The following ZNF185 variants were observed in gnomAD, a reference collection of about 807,000 sequenced individuals.
ZNF185 encodes zinc finger protein 185 with LIM domain.
A neutral mutation model predicts 58.6 loss-of-function variants in ZNF185; 56 were observed. The ratio of observed to expected loss-of-function variants is 0.95; its 90% CI spans 0.77 to 1.19. ZNF185 has a LOEUF of 1.19. Ranked by LOEUF, ZNF185 falls within the 50% of genes most tolerant of loss-of-function variation. ZNF185 has a pLI of 0.00. For synonymous variants in ZNF185, 230 were observed against 215.9 expected (o/e 1.07, Z -0.57); for missense variants, 627 against 573.5 (o/e 1.09, Z -0.95).
At chrX:152,930,842 G>A (rs1392919872) in intron 12 of ZNF185, among the ~76,000 whole-genome samples, 1 of 111,358 alleles carries the variant, frequency 9.0e-6, no homozygotes, top group Non-Finnish European at 1.9e-5. Context: ...AAATAATGAT[G>A]GGACTGTCTC....
chrX:152,963,958 G>T lies in ZNF185; in HGVS notation c.1718+9G>T. 1.7e-6 allele frequency: 2 copies of T among 1,199,590 alleles called. No homozygotes were observed. The highest frequency in any genetic ancestry group is 2.3e-6 in the Non-Finnish European group (2 of 884,534). ...GACTCCAGCTCTACCACGTAAGAAG[G>T]GCTATCTAGCAACCTGGGAGATGTT... On this transcript the variant is annotated intron_variant, in intron 18 of 22. Transcript: ENST00000449285.
chrX:152,905,538 C>A, the ZNF185 span, among the ~76,000 whole-genome samples: 2 of 111,850 alleles, frequency 1.8e-5, no homozygotes, highest in African/African-American at 6.5e-5. Context: ...GACATGGGGA[C>A]TTTTCTTTGA....
intron 16 of ZNF185, among the ~76,000 whole-genome samples, chrX:152,956,536 C>A (rs2035178896): frequency 9.0e-6 from 1 of 111,580 alleles, no homozygotes; most frequent in Non-Finnish European, 1.9e-5. Flanking sequence ...GTCAGGAGTT[C>A]AAGAGCAGCC....
At chrX:152,949,491 T>G (rs1394990768) in intron 16 of ZNF185, among the ~76,000 whole-genome samples, 1 of 112,426 alleles carries the variant, frequency 8.9e-6, no homozygotes, top group Non-Finnish European at 1.9e-5. Context: ...GGCATCTCAG[T>G]AGGCTAGGTT....
At chrX:152,914,789 C>A in exon 2 of ZNF185, 2 of 1,188,552 alleles carry the variant, frequency 1.7e-6, no homozygotes, top group Non-Finnish European at 2.3e-6. Context: ...TGAAGGGGGA[C>A]AAGAGCTGGA....
chrX:152,911,242 G>A (rs956809155), upstream of ZNF185, among the ~76,000 whole-genome samples: 5 of 111,898 alleles, frequency 4.5e-5, no homozygotes, highest in Admixed American at 3.8e-4. Flanking sequence ...CAGGTGGGCG[G>A]ACCAGTATAA....
chrX:152,900,563 A>G, the ZNF185 span, among the ~76,000 whole-genome samples: 1 of 112,715 alleles, frequency 8.9e-6, no homozygotes, highest in African/African-American at 3.2e-5. Context: ...TTGGGCTCTC[A>G]TGTTTAGGGT....
intron 20 of ZNF185, among the ~76,000 whole-genome samples, chrX:152,968,309 G>C (rs991787456): frequency 8.9e-6 from 1 of 112,373 alleles, no homozygotes; most frequent in African/African-American, 3.2e-5. Context: ...AATTCTAGTG[G>C]AGTGACAAAC....
chrX:152,901,650 A>C, the ZNF185 span, among the ~76,000 whole-genome samples: 1 of 111,282 alleles, frequency 9.0e-6, no homozygotes, highest in East Asian at 2.8e-4. Flanking sequence ...AGGCACAGAG[A>C]GGGACTTGCT....
chrX:152,972,614 C>T (rs781929909), exon 23 of ZNF185: 2 of 111,941 alleles, frequency 1.8e-5, no homozygotes, highest in South Asian at 3.8e-4. Context: ...AGGGGGCTAG[C>T]TGATCTGAGC....
At chrX:152,949,530 A>G (rs1192131955) in intron 16 of ZNF185, among the ~76,000 whole-genome samples, 1 of 111,874 alleles carries the variant, frequency 8.9e-6, no homozygotes, top group Non-Finnish European at 1.9e-5. Flanking sequence ...ATGTCATGGC[A>G]CCTGATGGGC....
intron 15 of ZNF185, among the ~76,000 whole-genome samples, chrX:152,939,278 G>C (rs74517843): frequency 1.8e-5 from 2 of 111,664 alleles, no homozygotes; most frequent in Non-Finnish European, 3.8e-5. Context: ...TTTCTCATTC[G>C]AATTGCACTG....
intron 15 of ZNF185, among the ~76,000 whole-genome samples, chrX:152,939,786 T>G (rs11796530): frequency 2.1e-5 from 2 of 96,116 alleles, no homozygotes; most frequent in Non-Finnish European, 4.2e-5. Context: ...GTTTTTTTTT[T>G]TTTTTTTTTT....
chrX:152,899,269 C>T, the ZNF185 span, among the ~76,000 whole-genome samples: 7 of 112,383 alleles, frequency 6.2e-5, no homozygotes, highest in South Asian at 3.7e-4. Context: ...TGGCTGGGGG[C>T]GGGAGGCAGG....
intron 19 of ZNF185, among the ~76,000 whole-genome samples, chrX:152,966,876 C>G (rs2050164431): frequency 9.0e-6 from 1 of 110,791 alleles, no homozygotes; most frequent in South Asian, 3.9e-4. Flanking sequence ...TGGTGACTGT[C>G]ACATTATATC....
chrX:152,962,839 G>A (rs1466207536), intron 17 of ZNF185, among the ~76,000 whole-genome samples: 1 of 112,709 alleles, frequency 8.9e-6, no homozygotes, highest in Non-Finnish European at 1.9e-5. Flanking sequence ...ACTATGAGGC[G>A]AGAGAGCTAG....
Position 152,928,667 on chromosome X carries a change from G to A in ZNF185, c.917+6G>A. 1 of 1,208,631 alleles carries A rather than the reference G, an allele frequency of 8.3e-7. No homozygotes were observed. The highest frequency in any genetic ancestry group is 1.1e-6 in the Non-Finnish European group (1 of 892,986). ...CCAGACGTGGAAGGCATGAGGTATG[G>A]GGGTCCTGCTGCTGTCCTGGCTCCC... On this transcript the variant is annotated splice_donor_region_variant and intron_variant, in intron 12 of 22. Coordinates refer to ENST00000449285, the Ensembl canonical transcript of ZNF185.
In ZNF185 at chrX:152,920,761, A is replaced by C; in HGVS notation, c.656+13A>C. The C allele has an allele frequency of 8.3e-7, 1 of 1,211,164 alleles. No homozygotes were observed. ...TTATCGCGAAGAGGTAAGTGTCATC[A>C]AGGGACACCTTGGAGGCCTGTTACT... On this transcript the variant is annotated intron_variant, in intron 9 of 22. Coordinates refer to ENST00000449285, the Ensembl canonical transcript of ZNF185.
upstream of ZNF185, among the ~76,000 whole-genome samples, chrX:152,910,379 AT>A (rs1414971137): frequency 8.9e-6 from 1 of 111,968 alleles, no homozygotes; most frequent in African/African-American, 3.3e-5. Context: ...ATCTTTACAG[AT>A]TTTTTCCCCT....
Sources: gnomAD v4.1 joint callset for allele counts (sites outside exome capture counted in the v4.1 genomes callset) on GRCh38, gnomAD v4.1.1 for gene constraint, MANE v1.5 for transcripts, NCBI Gene and HGNC (gene_info 2026-07-23, HGNC 2026-07-21) for gene names.